CATSPERT: variants seen among roughly 807,000 people sequenced by gnomAD.
CATSPERT encodes cation channel sperm-associated targeting subunit tau.
chr2:201,515,201 AGTTTTTTTTTTTTTTTTTTTTTTTT>A, the CATSPERT span, among the ~76,000 whole-genome samples: 6,460 of 70,212 alleles, frequency 0.092, 1,141 homozygotes, highest in East Asian at 0.23. Flanking sequence ...ATCTGCCCAT[AGTTTTTTTTTTTTTTTTTTTTTTTT>A]TTTTTTTTTT....
the CATSPERT span, among the ~76,000 whole-genome samples, chr2:201,567,839 C>T: frequency 1.1e-4 from 17 of 152,254 alleles, no homozygotes; most frequent in Non-Finnish European, 2.2e-4. Context: ...TTATGGCTGC[C>T]GCTAACACGT....
chr2:201,559,831 C>T, the CATSPERT span, among the ~76,000 whole-genome samples: 2 of 152,204 alleles, frequency 1.3e-5, no homozygotes, highest in East Asian at 3.9e-4. Context: ...GGTGACTTTT[C>T]CATCAGATGC....
At chr2:201,602,948 C>T in the CATSPERT span, among the ~76,000 whole-genome samples, 1 of 152,196 alleles carries the variant, frequency 6.6e-6, no homozygotes, top group South Asian at 2.1e-4. Context: ...ATTTCAGCAT[C>T]CCTGCTAAGT....
the CATSPERT span, among the ~76,000 whole-genome samples, chr2:201,541,980 A>G: frequency 6.6e-6 from 1 of 151,922 alleles, no homozygotes; most frequent in African/African-American, 2.4e-5. Context: ...TGCACCCTTG[A>G]ACTCTTGGGT....
chr2:201,516,596 C>T, the CATSPERT span, among the ~76,000 whole-genome samples: 2 of 152,092 alleles, frequency 1.3e-5, no homozygotes, highest in East Asian at 3.9e-4. Context: ...AGAACCAGAC[C>T]ATATCATGTG....
chr2:201,574,187 C>G, the CATSPERT span: 1 of 1,555,966 alleles, frequency 6.4e-7, no homozygotes, highest in Non-Finnish European at 8.7e-7. Context: ...ACAGAATAAT[C>G]TTTTAAAAGA....
At chr2:201,552,104 T>C in the CATSPERT span, among the ~76,000 whole-genome samples, 1 of 151,920 alleles carries the variant, frequency 6.6e-6, no homozygotes, top group South Asian at 2.1e-4. Flanking sequence ...CAAGTACTTC[T>C]CCCACCTCAG....
chr2:201,534,582 C>T, the CATSPERT span: 1 of 983,394 alleles, frequency 1.0e-6, no homozygotes, highest in Middle Eastern at 5.2e-4. Flanking sequence ...GATCTGTCTA[C>T]TCATAGCAGG....
At chr2:201,591,580 T>C in the CATSPERT span, among the ~76,000 whole-genome samples, 33 of 152,166 alleles carry the variant, frequency 2.2e-4, no homozygotes, top group African/African-American at 7.5e-4. Flanking sequence ...TTGGGCAGTA[T>C]GGCCATTTTC....
the CATSPERT span, among the ~76,000 whole-genome samples, chr2:201,514,627 G>A: frequency 9.9e-5 from 15 of 152,164 alleles, no homozygotes; most frequent in African/African-American, 3.1e-4. Context: ...AATGGGTGAC[G>A]ATTACACAAA....
the CATSPERT span, among the ~76,000 whole-genome samples, chr2:201,611,662 C>T: frequency 6.7e-6 from 1 of 149,732 alleles, no homozygotes; most frequent in Admixed American, 6.7e-5. Context: ...ATTAATGAAA[C>T]TAAGGATTGC....
At chr2:201,517,190 C>T in the CATSPERT span, among the ~76,000 whole-genome samples, 3 of 152,074 alleles carry the variant, frequency 2.0e-5, no homozygotes, top group Non-Finnish European at 4.4e-5. Context: ...CCCCACCTCC[C>T]CACCACTAAG....
At chr2:201,526,983 G>A in the CATSPERT span, among the ~76,000 whole-genome samples, 3 of 152,114 alleles carry the variant, frequency 2.0e-5, no homozygotes, top group Non-Finnish European at 4.4e-5. Flanking sequence ...CCTTTTTGCA[G>A]ATGATATAAT....
At chr2:201,608,658 T>C in the CATSPERT span, among the ~76,000 whole-genome samples, 3 of 151,418 alleles carry the variant, frequency 2.0e-5, no homozygotes, top group Non-Finnish European at 4.4e-5. Context: ...CTCTACAAAA[T>C]ATATAAAAAT....
chr2:201,523,942 T>A, the CATSPERT span, among the ~76,000 whole-genome samples: 92 of 151,956 alleles, frequency 6.1e-4, 1 homozygote, highest in Non-Finnish European at 1.0e-4. Flanking sequence ...TGAGAAAAAA[T>A]TTTTAAAAAT....
the CATSPERT span, among the ~76,000 whole-genome samples, chr2:201,615,638 T>C: frequency 6.6e-6 from 1 of 152,022 alleles, no homozygotes; most frequent in African/African-American, 2.4e-5. Flanking sequence ...AACATCATAA[T>C]TAAAAGAACT....
chr2:201,498,511 T>C, the CATSPERT span, among the ~76,000 whole-genome samples: 431 of 152,198 alleles, frequency 2.8e-3, 4 homozygotes, highest in African/African-American at 9.5e-3. Flanking sequence ...CCCACCCACA[T>C]TGAGGGTGGG....
At chr2:201,537,418 T>C in the CATSPERT span, 1 of 1,573,118 alleles carries the variant, frequency 6.4e-7, no homozygotes, top group Non-Finnish European at 8.7e-7. Context: ...TTAAAAGTTC[T>C]CTTCCAATTT....
the CATSPERT span, among the ~76,000 whole-genome samples, chr2:201,561,883 G>A: frequency 6.7e-6 from 1 of 148,318 alleles, no homozygotes; most frequent in Non-Finnish European, 1.5e-5. Flanking sequence ...CAAAAAAAAG[G>A]AAAGAAAAGG....
Sources: allele counts gnomAD v4.1 joint callset (sites outside exome capture counted in the v4.1 genomes callset), GRCh38; gene constraint gnomAD v4.1.1; transcripts MANE v1.5; gene names NCBI Gene and HGNC (gene_info 2026-07-23, HGNC 2026-07-21).